MTF2: variants seen among roughly 807,000 people sequenced by gnomAD.
The protein encoded by MTF2 is metal response element binding transcription factor 2.
Under a neutral mutation model 79.5 loss-of-function variants are expected in MTF2, and 11 were observed. The ratio of observed to expected loss-of-function variants is 0.14; its 90% CI spans 0.09 to 0.23. The LOEUF is 0.23. MTF2 is among the 10% of genes least tolerant of loss of function. The probability of loss-of-function intolerance (pLI) is 1.00; values close to 1 mark genes in which losing one functional copy is unlikely to be tolerated. For missense variants in MTF2, 486 were observed against 711.2 expected (o/e 0.68, Z 3.60); for synonymous variants, 208 against 232.8 (o/e 0.89, Z 0.97).
intron 1 of MTF2, 50 bp from the exon 2 acceptor site, chr1:93,110,180 A>C (rs1655971056): frequency 6.6e-7 from 1 of 1,520,374 alleles, no homozygotes; most frequent in African/African-American, 1.4e-5. Flanking sequence ...ACTGGTATAA[A>C]ATAAGCTCTA....
At chr1:93,087,789 G>A (rs1272646155) in intron 1 of MTF2, among the ~76,000 whole-genome samples, 1 of 152,070 alleles carries the variant, frequency 6.6e-6, no homozygotes, top group Admixed American at 6.6e-5. Context: ...CTTAACTGGG[G>A]TTTACCATAG....
At chr1:93,123,096 A>G (rs917593675) in intron 9 of MTF2, among the ~76,000 whole-genome samples, 1 of 152,066 alleles carries the variant, frequency 6.6e-6, no homozygotes, top group Non-Finnish European at 1.5e-5. Flanking sequence ...CAAATCTTAT[A>G]AAATGCCATT....
chr1:93,091,324 A>G (rs1473369816), intron 1 of MTF2, among the ~76,000 whole-genome samples: 1 of 151,436 alleles, frequency 6.6e-6, no homozygotes, highest in African/African-American at 2.5e-5. Context: ...TCCTCAGGAT[A>G]CTTTTATAAA....
intron 1 of MTF2, among the ~76,000 whole-genome samples, chr1:93,089,258 T>C (rs1014600137): frequency 6.6e-6 from 1 of 152,200 alleles, no homozygotes; most frequent in African/African-American, 2.4e-5. Context: ...TAATTCTAGA[T>C]AAATACATAA....
intron 1 of MTF2, among the ~76,000 whole-genome samples, chr1:93,091,481 C>T (rs976376373): frequency 1.3e-5 from 2 of 152,168 alleles, no homozygotes; most frequent in Non-Finnish European, 2.9e-5. Flanking sequence ...TAGGTGACAG[C>T]CACTGTGCTT....
chr1:93,119,339 T>C lies in MTF2; in HGVS notation c.735T>C (p.Tyr245=), dbSNP rs748841608. The change falls in exon 8 of 15, where the codon TAT becomes TAC. Residue 245 remains tyrosine, a synonymous_variant. Transcript: ENST00000370298. The part of the protein sequence containing the change: ...QKPMLFGDRF[Y]TFICSVCSSG... ...TTTTTTTTTTTTTTCTTAGATTTTA[T>C]ACGTTTATATGCTCTGTCTGCAGTT... 3.2e-6 allele frequency: 5 copies of C among 1,586,166 alleles called. No individual in the cohort carries two copies. Among genetic ancestry groups the C allele is most frequent in the South Asian group, 1.2e-5 (1 of 85,326 alleles).
At chr1:93,103,090 C>T (rs1421496518) in intron 1 of MTF2, among the ~76,000 whole-genome samples, 4 of 151,728 alleles carry the variant, frequency 2.6e-5, no homozygotes, top group South Asian at 4.2e-4. Context: ...CAAGATCGCA[C>T]CACTGCACTT....
At chr1:93,106,458 G>A (rs1326075973) in intron 1 of MTF2, among the ~76,000 whole-genome samples, 3 of 151,052 alleles carry the variant, frequency 2.0e-5, no homozygotes, top group Non-Finnish European at 4.4e-5. Flanking sequence ...TCAGGCTTTG[G>A]CTATTTTTTT....
At chr1:93,130,670 G>A (rs1349139283) in intron 11 of MTF2, among the ~76,000 whole-genome samples, 2 of 152,182 alleles carry the variant, frequency 1.3e-5, no homozygotes, top group Non-Finnish European at 2.9e-5. Context: ...CAATTGTCTA[G>A]GTGAGAGATA....
At chr1:93,116,344 G>A (rs186925302) in intron 6 of MTF2, among the ~76,000 whole-genome samples, 36 of 151,872 alleles carry the variant, frequency 2.4e-4, no homozygotes, top group African/African-American at 8.0e-4. Flanking sequence ...TTTTCTTCCA[G>A]AACTTTTTCT....
intron 1 of MTF2, among the ~76,000 whole-genome samples, chr1:93,094,484 AT>A (rs1220883661): frequency 2.0e-5 from 3 of 151,548 alleles, no homozygotes; most frequent in Non-Finnish European, 4.4e-5. Flanking sequence ...ATGTTTTAAG[AT>A]TTTTTTTCAA....
rs113108662 is a variant in MTF2, at chr1:93,130,576, C to CA, written c.1160+1140dup. ...TGGGCAACAGAGCGAGACTCTGTCT[C>CA]AAAAAAAAAAAATATTGTTTTGGAT... is the stretch of plus-strand genomic sequence containing the variant. On this transcript the variant is annotated intron_variant, in intron 11 of 14. Coordinates refer to ENST00000370298, the MANE Select transcript of MTF2 (RefSeq NM_007358.4). Among the ~76,000 whole-genome samples, 521 of 140,984 alleles carry CA rather than the reference C, an allele frequency of 3.7e-3. 2 individuals carry two copies. Among genetic ancestry groups the CA allele is most frequent in the African/African-American group, 0.012 (455 of 38,770 alleles). The allele number at this position is 140,984 out of a possible 152,430, so 92.5% of individuals were successfully genotyped here. A position where few individuals can be genotyped will look rare whatever the true frequency, so the allele number is the denominator to read the frequency against.
At chr1:93,135,403 TA>T (rs1647350248) in intron 14 of MTF2, among the ~76,000 whole-genome samples, 1 of 152,270 alleles carries the variant, frequency 6.6e-6, no homozygotes, top group Non-Finnish European at 1.5e-5. Flanking sequence ...ACTGCTGTTA[TA>T]AATTATGCAA....
chr1:93,126,661 T>C lies in MTF2; in HGVS notation c.922-571T>C, dbSNP rs541925407. Among the ~76,000 whole-genome samples, 9 of 152,210 alleles carry C rather than the reference T, an allele frequency of 5.9e-5. No individual in the cohort carries two copies. In the East Asian group the frequency reaches 1.2e-3, roughly 20 times the overall value. Reference sequence around the variant, plus strand: ...ATTTAGATTTTAAAACAGTTTGTTATGATGAAAAATTATTGAGCCATTTAG... The same window carrying C: ...ATTTAGATTTTAAAACAGTTTGTTACGATGAAAAATTATTGAGCCATTTAG... On this transcript the variant is annotated intron_variant, in intron 9 of 14. Coordinates refer to ENST00000370298, the MANE Select transcript of MTF2 (RefSeq NM_007358.4).
intron 1 of MTF2, among the ~76,000 whole-genome samples, chr1:93,099,266 A>AG (rs1337183096): frequency 6.6e-6 from 1 of 152,202 alleles, no homozygotes; most frequent in Non-Finnish European, 1.5e-5. Context: ...AGGGCCACTA[A>AG]ATAGCTGAGG....
rs116810694 is a variant in MTF2, at chr1:93,125,856, A to C, written c.922-1376A>C. ...GAAGAGCTGTCTTGTAAAAGAAGGA[A>C]TGAAAGAGCTCTGGGGAGGAAGATT... On this transcript the variant is annotated intron_variant, in intron 9 of 14. Transcript: ENST00000370298. 4.7e-3 allele frequency among the ~76,000 whole-genome samples: 721 copies of C among 152,182 alleles called. 2 individuals carry two copies. The highest frequency in any genetic ancestry group is 0.016 in the African/African-American group (655 of 41,570).
intron 5 of MTF2, 76 bp downstream of exon 5, chr1:93,115,164 GAA>G: frequency 1.8e-6 from 2 of 1,134,928 alleles, no homozygotes; most frequent in Non-Finnish European, 2.6e-6. Flanking sequence ...TGTGTACACT[GAA>G]AGTTTGTTGG....
At chr1:93,122,957 A>G (rs1656539117) in intron 9 of MTF2, among the ~76,000 whole-genome samples, 1 of 152,104 alleles carries the variant, frequency 6.6e-6, no homozygotes, top group African/African-American at 2.4e-5. Flanking sequence ...AAGGTAACAT[A>G]AATAATGGGT....
At chr1:93,110,764 A>G in intron 3 of MTF2, 138 bp downstream of exon 3, 1 of 701,186 alleles carries the variant, frequency 1.4e-6, no homozygotes, top group South Asian at 1.9e-5. Context: ...TTAAAAAATC[A>G]GCATAGTCGT....
Sources: gnomAD v4.1 joint callset for allele counts (sites outside exome capture counted in the v4.1 genomes callset) on GRCh38, gnomAD v4.1.1 for gene constraint, MANE v1.5 for transcripts, NCBI Gene and HGNC (gene_info 2026-07-23, HGNC 2026-07-21) for gene names.